Variants in AGBL1 observed in about 807,000 individuals in gnomAD.
The protein encoded by AGBL1 is AGBL carboxypeptidase 1.
AGBL1 carries 130 observed loss-of-function variants against 118.9 expected under a neutral mutation model. The observed-to-expected ratio is 1.09, with a 90% CI of 0.95 to 1.26. The LOEUF (loss-of-function observed/expected upper bound fraction) is 1.26, where lower values mean the gene tolerates loss of function less well. Ranked by LOEUF, AGBL1 falls within the 50% of genes most tolerant of loss-of-function variation. The pLI is 0.00. For missense variants in AGBL1, 1,584 were observed against 1,298.1 expected (o/e 1.22, Z -3.38); for synonymous variants, 555 against 478.9 (o/e 1.16, Z -2.08).
At chr15:86,126,479 T>C (rs2141595828) in intron 1 of AGBL1, among the ~76,000 whole-genome samples, 1 of 152,324 alleles carries the variant, frequency 6.6e-6, no homozygotes, top group South Asian at 2.1e-4. Context: ...CAAAGAGATA[T>C]ACAGAATATT....
At position 86,738,023 on chromosome 15, in the gene AGBL1, A is replaced by G. The variant is rs28384203; in HGVS notation, c.3158+63587A>G. ...TAAATAAATGTGATATATCACATCA[A>G]CAGAATGAAGGACCAAAACCATATG... On this transcript the variant is annotated intron_variant, in intron 22 of 22. Transcript: ENST00000614907. 5.1e-3 allele frequency among the ~76,000 whole-genome samples: 776 copies of G among 152,344 alleles called. 8 individuals are homozygous for G. Among genetic ancestry groups the G allele is most frequent in the African/African-American group, 0.018 (731 of 41,582 alleles).
intron 1 of AGBL1, among the ~76,000 whole-genome samples, chr15:86,126,892 T>G (rs1898468414): frequency 6.6e-6 from 1 of 152,202 alleles, no homozygotes; most frequent in Admixed American, 6.5e-5. Context: ...GTGGGAAACA[T>G]TCTGCTTTGA....
chr15:86,592,022 C>T (rs1324948556), intron 21 of AGBL1, among the ~76,000 whole-genome samples: 2 of 152,126 alleles, frequency 1.3e-5, no homozygotes, highest in African/African-American at 4.8e-5. Context: ...TACAATATCA[C>T]AATACCACAG....
intron 21 of AGBL1, among the ~76,000 whole-genome samples, chr15:86,623,011 C>T (rs181838476): frequency 2.8e-4 from 43 of 152,198 alleles, no homozygotes; most frequent in African/African-American, 7.7e-4. Flanking sequence ...AGGGTTCGCA[C>T]GCCTATGAGA....
chr15:86,129,399 C>T (rs969514377), intron 1 of AGBL1, among the ~76,000 whole-genome samples: 1 of 152,134 alleles, frequency 6.6e-6, no homozygotes, highest in African/African-American at 2.4e-5. Context: ...TTGTGGGAGG[C>T]TCCATAAAGC....
chr15:86,360,857 T>C (rs2080795507), intron 17 of AGBL1, among the ~76,000 whole-genome samples: 3 of 152,006 alleles, frequency 2.0e-5, no homozygotes, highest in Admixed American at 2.0e-4. Context: ...CTGAGACATC[T>C]ACTGTAATGT....
At chr15:86,743,778 G>A (rs1018034580) in intron 22 of AGBL1, among the ~76,000 whole-genome samples, 4 of 152,080 alleles carry the variant, frequency 2.6e-5, no homozygotes, top group Non-Finnish European at 5.9e-5. Context: ...GAAAGGTTAT[G>A]AGTTGGAAAT....
At chr15:86,413,801 TA>T (rs1479191662) in intron 18 of AGBL1, among the ~76,000 whole-genome samples, 1 of 152,106 alleles carries the variant, frequency 6.6e-6, no homozygotes, top group African/African-American at 2.4e-5. Flanking sequence ...AGTTTGCAAA[TA>T]TTTTTTCCCA....
chr15:86,446,510 C>T (rs1237632412), intron 18 of AGBL1, among the ~76,000 whole-genome samples: 1 of 152,212 alleles, frequency 6.6e-6, no homozygotes, highest in Non-Finnish European at 1.5e-5. Context: ...GCACTTCATC[C>T]TTCTAACATT....
At chr15:86,125,189 A>G (rs1898341486) in intron 1 of AGBL1, among the ~76,000 whole-genome samples, 4 of 152,176 alleles carry the variant, frequency 2.6e-5, no homozygotes, top group Admixed American at 1.3e-4. Flanking sequence ...AGTCAGAAAT[A>G]ATCAATAAGG....
intron 1 of AGBL1, among the ~76,000 whole-genome samples, chr15:86,083,005 T>C (rs1895389434): frequency 6.6e-6 from 1 of 152,222 alleles, no homozygotes; most frequent in Non-Finnish European, 1.5e-5. Flanking sequence ...TAAAAATACG[T>C]TCCTTAGCAT....
downstream of AGBL1, among the ~76,000 whole-genome samples, chr15:86,916,792 G>A (rs150957709): frequency 2.0e-4 from 30 of 152,268 alleles, no homozygotes; most frequent in East Asian, 5.4e-3. Context: ...CAGGCCCGGG[G>A]CTGGCCAGGC....
At chr15:86,724,578 A>G (rs1052201007) in intron 22 of AGBL1, among the ~76,000 whole-genome samples, 10 of 152,286 alleles carry the variant, frequency 6.6e-5, no homozygotes, top group South Asian at 6.2e-4. Context: ...GGTGGTGACA[A>G]TGAGGAACAG....
chr15:86,270,769 A>G (rs2079147423), intron 14 of AGBL1, among the ~76,000 whole-genome samples: 1 of 152,222 alleles, frequency 6.6e-6, no homozygotes, highest in Non-Finnish European at 1.5e-5. Context: ...TGGCTATTGT[A>G]ACAAATTGTC....
At chr15:86,304,189 C>T (rs145281599) in intron 17 of AGBL1, among the ~76,000 whole-genome samples, 96 of 152,228 alleles carry the variant, frequency 6.3e-4, no homozygotes, top group African/African-American at 2.2e-3. Context: ...ACTGCCTCTA[C>T]AATACTCTGC....
chr15:86,314,807 C>T (rs374263436), intron 17 of AGBL1, among the ~76,000 whole-genome samples: 4 of 152,234 alleles, frequency 2.6e-5, no homozygotes, highest in Middle Eastern at 3.4e-3. Context: ...CATCTTTTCT[C>T]GTTGTGAATT....
intron 21 of AGBL1, among the ~76,000 whole-genome samples, chr15:86,618,012 G>A (rs2084754884): frequency 1.3e-5 from 2 of 151,988 alleles, no homozygotes; most frequent in Admixed American, 1.3e-4. Context: ...AACTGAGCAG[G>A]GCTTCCCACT....
intron 18 of AGBL1, among the ~76,000 whole-genome samples, chr15:86,444,925 C>A (rs117833644): frequency 7.2e-5 from 11 of 152,000 alleles, no homozygotes; most frequent in Admixed American, 3.9e-4. Context: ...ACTCCAAAGA[C>A]AATTTTAACA....
At chr15:86,655,558 T>C (rs559633921) in intron 21 of AGBL1, among the ~76,000 whole-genome samples, 8 of 152,194 alleles carry the variant, frequency 5.3e-5, no homozygotes, top group Non-Finnish European at 8.8e-5. Context: ...TCTTATATTA[T>C]GCGTAATTCT....
Sources: allele counts gnomAD v4.1 joint callset (sites outside exome capture counted in the v4.1 genomes callset), GRCh38; gene constraint gnomAD v4.1.1; transcripts MANE v1.5; gene names NCBI Gene and HGNC (gene_info 2026-07-23, HGNC 2026-07-21).